The following ABAT variants were observed in gnomAD, a reference collection of about 807,000 sequenced individuals.
ABAT encodes 4-aminobutyrate aminotransferase, also known as 4-aminobutyrate aminotransferase, mitochondrial.
In ABAT, 45 loss-of-function variants were observed where a neutral mutation model predicts 64.6. The observed-to-expected ratio is 0.70, with a 90% CI of 0.55 to 0.89. The LOEUF is 0.89. Among genes scored for constraint, ABAT ranks in the 40% least tolerant of loss-of-function variants. The pLI, the probability that ABAT is intolerant of heterozygous loss-of-function variation, is 0.00. For synonymous variants in ABAT, 297 were observed against 250.5 expected (o/e 1.19, Z -1.75); for missense variants, 633 against 658.4 (o/e 0.96, Z 0.42).
At chr16:8,746,437 C>T (rs2059330971) in intron 3 of ABAT, among the ~76,000 whole-genome samples, 1 of 152,018 alleles carries the variant, frequency 6.6e-6, no homozygotes, top group Admixed American at 6.5e-5. Flanking sequence ...CCTGTAGTCC[C>T]AGCTACTCGG....
intron 1 of ABAT, among the ~76,000 whole-genome samples, chr16:8,705,864 C>A (rs2057928752): frequency 6.6e-6 from 1 of 152,206 alleles, no homozygotes; most frequent in South Asian, 2.1e-4. Context: ...TAATTGTGCA[C>A]CAGCCATTAG....
chr16:8,781,351 G>A lies in ABAT; in HGVS notation c.1424G>A (p.Arg475His), dbSNP rs762137050. 9.9e-6 allele frequency: 16 copies of A among 1,613,982 alleles called. No homozygotes were observed. The highest frequency in any genetic ancestry group is 1.3e-5 in the African/African-American group (1 of 74,898). ...GGCGDKSIRF[R>H]PTLVFRDHHA... ...TGTGGTGACAAATCCATTCGTTTCC[G>A]TCCCACGCTGGTCTTCAGGGATCAC... Residue 475 changes from arginine (R) to histidine (H), a missense_variant, in exon 16 of 16, where the codon CGT becomes CAT. By Grantham distance (29) the Arg-to-His change is conservative (BLOSUM62 0). Transcript: ENST00000268251. This position sits in a 1 kb window ranked among gnomAD's most constrained non-coding sequence, Gnocchi z 4.5.
Position 8,766,354 on chromosome 16 carries a change from C to T in ABAT, c.603+84C>T, listed in dbSNP as rs540766482. 1.6e-5 allele frequency: 23 copies of T among 1,398,042 alleles called. No homozygotes were observed. The African/African-American group carries it at 3.1e-4, about 19-fold the overall frequency. The allele number at this position is 1,398,042 out of a possible 1,614,324, so 86.6% of individuals were successfully genotyped here. On this transcript the variant is annotated intron_variant, in intron 9 of 15. Coordinates refer to ENST00000268251, the MANE Select transcript of ABAT (RefSeq NM_020686.6). The stretch of plus-strand genomic sequence containing the variant: ...GCTGTTGCTGGCTGGCTGGCACTGT[C>T]CTCAATTAGGAAGGGCCAGGCCAGG...
intron 1 of ABAT, among the ~76,000 whole-genome samples, chr16:8,730,648 C>T (rs2142310698): frequency 1.3e-5 from 2 of 152,226 alleles, no homozygotes; most frequent in East Asian, 3.9e-4. Flanking sequence ...TGGTCTTCAT[C>T]CAGGTCTAGG....
At chr16:8,769,374 C>T (rs1460476287) in intron 11 of ABAT, among the ~76,000 whole-genome samples, 2 of 151,936 alleles carry the variant, frequency 1.3e-5, no homozygotes, top group Non-Finnish European at 2.9e-5. Flanking sequence ...CGAGACCAGC[C>T]TGGCCAACAT....
chr16:8,766,302 C>T, intron 9 of ABAT, 32 bp downstream of exon 9: 1 of 1,604,528 alleles, frequency 6.2e-7, no homozygotes, highest in Non-Finnish European at 8.5e-7. Context: ...CCACGTACAT[C>T]TGGGGAAGCT....
At chr16:8,773,091 C>T (rs1239834118) in intron 12 of ABAT, among the ~76,000 whole-genome samples, 174 bp downstream of exon 12, 1 of 133,708 alleles carries the variant, frequency 7.5e-6, no homozygotes, top group Non-Finnish European at 1.6e-5. Flanking sequence ...AATGGGGATT[C>T]TTCCCTAAAA....
chr16:8,726,625 C>G (rs1294329137), intron 1 of ABAT, among the ~76,000 whole-genome samples: 1 of 152,190 alleles, frequency 6.6e-6, no homozygotes, highest in African/African-American at 2.4e-5. Flanking sequence ...CAAATCTTAG[C>G]TATTGTAAGC....
chr16:8,730,034 C>T (rs1309550880), intron 1 of ABAT, among the ~76,000 whole-genome samples: 1 of 152,096 alleles, frequency 6.6e-6, no homozygotes, highest in Non-Finnish European at 1.5e-5. Flanking sequence ...GCACCAACCC[C>T]ACCCCACCCG....
In ABAT at chr16:8,776,602, G is replaced by C. The variant is rs571400818; in HGVS notation, c.1269+112G>C. On this transcript the variant is annotated intron_variant, in intron 14 of 15. Coordinates refer to ENST00000268251, the MANE Select transcript of ABAT (RefSeq NM_020686.6). This position sits in a 1 kb window ranked among gnomAD's most constrained non-coding sequence, Gnocchi z 4.4. ...GTTGTGCCTGCTGTTCCAGCAGTTC[G>C]TAACGGGCTGTGCTGCTCCTAGCCT... 362 of 1,167,316 alleles carry C rather than the reference G, an allele frequency of 3.1e-4. 2 individuals are homozygous for C. In the Middle Eastern group the frequency reaches 3.8e-3, roughly 12 times the overall value. The allele number at this position is 1,167,316 out of a possible 1,614,324, so 72.3% of individuals were successfully genotyped here. A position where few individuals can be genotyped will look rare whatever the true frequency, so the allele number is the denominator to read the frequency against.
chr16:8,729,023 G>A (rs923945234), intron 1 of ABAT, among the ~76,000 whole-genome samples: 2 of 152,048 alleles, frequency 1.3e-5, no homozygotes, highest in Admixed American at 6.6e-5. Context: ...ACAATAGCTA[G>A]GGGCCGGGCA....
intron 1 of ABAT, among the ~76,000 whole-genome samples, chr16:8,735,365 C>T (rs1056444492): frequency 6.6e-5 from 10 of 151,980 alleles, no homozygotes; most frequent in African/African-American, 2.2e-4. Context: ...GATCCTACCA[C>T]ATCAGCCTCC....
intron 1 of ABAT, among the ~76,000 whole-genome samples, chr16:8,693,946 CAT>C (rs774933303): frequency 9.2e-5 from 14 of 152,272 alleles, no homozygotes; most frequent in South Asian, 2.1e-4. Flanking sequence ...CTTACTAACC[CAT>C]AGAGTACAAT....
chr16:8,757,957 C>G, intron 6 of ABAT, 151 bp downstream of exon 6: 2 of 941,436 alleles, frequency 2.1e-6, no homozygotes, highest in Non-Finnish European at 3.4e-6. Context: ...ATGTGGCATG[C>G]CTTGATGAAT....
intron 14 of ABAT, 105 bp from the exon 15 acceptor site, chr16:8,779,374 G>A (rs560788673): frequency 1.1e-6 from 1 of 944,116 alleles, no homozygotes; most frequent in Non-Finnish European, 1.7e-6. Flanking sequence ...TCCATGCAGA[G>A]GCCGAGGCTG....
At chr16:8,777,066 T>A (rs1431109821) in intron 14 of ABAT, among the ~76,000 whole-genome samples, 1 of 152,010 alleles carries the variant, frequency 6.6e-6, no homozygotes, top group African/African-American at 2.4e-5. Flanking sequence ...GCCCTACTAA[T>A]TTTTTTGTAT....
chr16:8,755,756 C>CCAA (rs137904310), intron 5 of ABAT, among the ~76,000 whole-genome samples: 3 of 151,206 alleles, frequency 2.0e-5, no homozygotes, highest in African/African-American at 7.3e-5. Flanking sequence ...ACTAAAAATA[C>CCAA]AAAAAAATTG....
chr16:8,777,112 G>C (rs891373695), intron 14 of ABAT, among the ~76,000 whole-genome samples: 5 of 151,554 alleles, frequency 3.3e-5, no homozygotes, highest in African/African-American at 1.2e-4. Flanking sequence ...TGTTGGCCAG[G>C]CTGGTCTCGA....
In ABAT at chr16:8,757,742, C is replaced by T. The variant is rs1183415702; in HGVS notation, c.317-15C>T. On this transcript the variant is annotated splice_polypyrimidine_tract_variant and intron_variant, in intron 5 of 15. Coordinates refer to ENST00000268251, the MANE Select transcript of ABAT (RefSeq NM_020686.6). Reference sequence around the variant, plus strand: ...GGATGCAATGAGGTCTCTAACAATACTCTCCTGCCCTCAGGTTACAGCCAC... The same window carrying T: ...GGATGCAATGAGGTCTCTAACAATATTCTCCTGCCCTCAGGTTACAGCCAC... 5 of 1,613,668 alleles carry T rather than the reference C, an allele frequency of 3.1e-6. No individual in the cohort carries two copies. Among genetic ancestry groups the T allele is most frequent in the African/African-American group, 1.3e-5 (1 of 74,886 alleles).
Sources: allele counts gnomAD v4.1 joint callset (sites outside exome capture counted in the v4.1 genomes callset), GRCh38; gene constraint gnomAD v4.1.1; non-coding constraint Gnocchi (gnomAD v3.1); transcripts MANE v1.5; gene names NCBI Gene and HGNC (gene_info 2026-07-23, HGNC 2026-07-21).